BTBD9: variants seen among roughly 807,000 people sequenced by gnomAD.
BTBD9 encodes BTB/POZ domain-containing protein 9.
In BTBD9, 49 loss-of-function variants were observed where a neutral mutation model predicts 64.3. That is an observed-to-expected ratio of 0.76 (90% CI 0.61 to 0.97). The LOEUF is 0.97. Among genes scored for constraint, BTBD9 ranks in the 50% least tolerant of loss-of-function variants. BTBD9 has a pLI of 0.00. For missense variants in BTBD9, 598 were observed against 762.1 expected (o/e 0.78, Z 2.53); for synonymous variants, 260 against 274.7 (o/e 0.95, Z 0.53).
chr6:38,313,632 A>C (rs1762925902), intron 7 of BTBD9, among the ~76,000 whole-genome samples: 1 of 152,128 alleles, frequency 6.6e-6, no homozygotes, highest in Non-Finnish European at 1.5e-5. Flanking sequence ...CAATTGAAAT[A>C]ATTATATGGT....
At chr6:38,283,790 C>T (rs1029592354) in intron 8 of BTBD9, among the ~76,000 whole-genome samples, 2 of 152,196 alleles carry the variant, frequency 1.3e-5, no homozygotes, top group East Asian at 1.9e-4. Flanking sequence ...AATACTCTCC[C>T]TCTGGTGTTG....
intron 9 of BTBD9, among the ~76,000 whole-genome samples, chr6:38,250,425 T>C (rs1463883494): frequency 1.3e-5 from 2 of 152,230 alleles, no homozygotes; most frequent in Non-Finnish European, 2.9e-5. Flanking sequence ...AAATCTAATC[T>C]GTTTCATCAG....
intron 6 of BTBD9, among the ~76,000 whole-genome samples, chr6:38,493,037 T>A (rs984951828): frequency 9.2e-5 from 14 of 152,066 alleles, no homozygotes; most frequent in African/African-American, 1.9e-4. Flanking sequence ...AAGAAAAAAA[T>A]TTTTCAACTT....
At chr6:38,498,627 A>G (rs1772061182) in intron 6 of BTBD9, among the ~76,000 whole-genome samples, 1 of 152,170 alleles carries the variant, frequency 6.6e-6, no homozygotes, top group African/African-American at 2.4e-5. Flanking sequence ...GCTGGGCAAC[A>G]TAAGGGGACA....
intron 4 of BTBD9, chr6:38,588,341 C>T: frequency 3.2e-6 from 3 of 926,288 alleles, no homozygotes; most frequent in Admixed American, 3.4e-5. Context: ...ACTTTTCAGC[C>T]TACTAATTAT....
intron 6 of BTBD9, among the ~76,000 whole-genome samples, chr6:38,505,964 C>CAAAAAAAAAAAAAAAAAAAAAAAAAAAA (rs59014161): frequency 7.3e-5 from 6 of 82,626 alleles, no homozygotes; most frequent in African/African-American, 2.5e-4. Context: ...TCCGTCTCAA[C>CAAAAAAAAAAAAAAAAAAAAAAAAAAAA]AAAAAAAAAA....
At chr6:38,261,805 T>TG (rs1764804065) in intron 8 of BTBD9, among the ~76,000 whole-genome samples, 1 of 152,158 alleles carries the variant, frequency 6.6e-6, no homozygotes, top group Admixed American at 6.6e-5. Context: ...GGACTGGAGA[T>TG]GTGGGGTCAT....
intron 7 of BTBD9, among the ~76,000 whole-genome samples, chr6:38,323,786 T>C (rs1763320854): frequency 1.3e-5 from 2 of 152,166 alleles, no homozygotes; most frequent in South Asian, 2.1e-4. Context: ...CACCAAATCA[T>C]AAAATTAATA....
At chr6:38,370,173 A>C (rs1301643008) in intron 6 of BTBD9, among the ~76,000 whole-genome samples, 3 of 152,222 alleles carry the variant, frequency 2.0e-5, no homozygotes, top group Non-Finnish European at 4.4e-5. Flanking sequence ...GCATTAGTAA[A>C]GAAGTGATAT....
At position 38,184,580 on chromosome 6, in the gene BTBD9, A is replaced by C. The variant is rs1367865303; in HGVS notation, c.1641+7939T>G. ...CTGTGCTCTGCCACAGAGCACAGAGAGCGCCCACTGGGGGTTCTGGCCCTG... is the reference window on the plus strand; with the variant it reads ...CTGTGCTCTGCCACAGAGCACAGAGCGCGCCCACTGGGGGTTCTGGCCCTG... On this transcript the variant is annotated intron_variant, in intron 10 of 10. Transcript: ENST00000481247. The surrounding 1 kb of genome is among the most constrained non-coding windows in gnomAD (Gnocchi z 4.4). Among the ~76,000 whole-genome samples, 2 of 151,704 alleles carry C rather than the reference A, an allele frequency of 1.3e-5. No individual in the cohort carries two copies. Among genetic ancestry groups the C allele is most frequent in the African/African-American group, 4.8e-5 (2 of 41,256 alleles).
At chr6:38,606,401 A>G (rs574929712) in intron 1 of BTBD9, among the ~76,000 whole-genome samples, 2 of 152,308 alleles carry the variant, frequency 1.3e-5, no homozygotes, top group South Asian at 4.1e-4. Flanking sequence ...AAGATAATAT[A>G]ACATTGTCAA....
chr6:38,588,266 C>T, intron 4 of BTBD9: 2 of 1,148,224 alleles, frequency 1.7e-6, no homozygotes, highest in Non-Finnish European at 2.7e-6. Context: ...GCCTCAACAA[C>T]TGCCTGCTCA....
chr6:38,184,076 C>T lies in BTBD9; in HGVS notation c.1641+8443G>A, dbSNP rs546530462. Among the ~76,000 whole-genome samples, 47 of 152,230 alleles carry T rather than the reference C, an allele frequency of 3.1e-4. No individual in the cohort carries two copies. The highest frequency in any genetic ancestry group is 5.0e-4 in the Non-Finnish European group (34 of 68,042). Reference sequence around the variant, plus strand: ...GGTGTCTGGCTTCTGTCCTTCAACACGCCGTTATGTTCATCCACCCACAGT... The same window carrying T: ...GGTGTCTGGCTTCTGTCCTTCAACATGCCGTTATGTTCATCCACCCACAGT... On this transcript the variant is annotated intron_variant, in intron 10 of 10. Coordinates refer to ENST00000481247, the MANE Select transcript of BTBD9 (RefSeq NM_001099272.2). The surrounding 1 kb of genome is among the most constrained non-coding windows in gnomAD (Gnocchi z 4.4).
intron 6 of BTBD9, among the ~76,000 whole-genome samples, chr6:38,390,023 T>G (rs1459942664): frequency 6.6e-6 from 1 of 152,200 alleles, no homozygotes; most frequent in Non-Finnish European, 1.5e-5. Flanking sequence ...TATCACTGAT[T>G]GTCATCATAT....
intron 1 of BTBD9, among the ~76,000 whole-genome samples, chr6:38,622,654 C>T (rs559650761): frequency 5.3e-5 from 8 of 152,166 alleles, no homozygotes; most frequent in Admixed American, 2.0e-4. Context: ...CCTGTAACCA[C>T]GAACACCGTG....
At chr6:38,403,045 A>T in intron 6 of BTBD9, 1 of 262,076 alleles carries the variant, frequency 3.8e-6, no homozygotes, top group Non-Finnish European at 7.5e-6. Context: ...AGCCTGGGTG[A>T]TAGAGTGAAA....
rs150537273 is a variant in BTBD9, at chr6:38,206,845, CA to C, written c.1563-14249del. Among the ~76,000 whole-genome samples the C allele has an allele frequency of 4.9e-3, 710 of 144,072 alleles. 42 individuals carry two copies. The East Asian group carries it at 0.12, about 25-fold the overall frequency. The allele number at this position is 144,072 out of a possible 152,430, so 94.5% of individuals were successfully genotyped here. A position where few individuals can be genotyped will look rare whatever the true frequency, so the allele number is the denominator to read the frequency against. The stretch of plus-strand genomic sequence containing the variant: ...TAGTTTAGAATATGAAGATACAGAC[CA>C]AAAAAAAAAGAAGTCTAAAAGAGAT... On this transcript the variant is annotated intron_variant, in intron 9 of 10. Transcript: ENST00000481247.
intron 10 of BTBD9, among the ~76,000 whole-genome samples, chr6:38,178,061 C>T (rs1264987890): frequency 1.3e-5 from 2 of 152,188 alleles, no homozygotes; most frequent in African/African-American, 4.8e-5. Flanking sequence ...CTCAGAGCTG[C>T]GTCCCAGTCT....
rs1302391177 is a variant in BTBD9, at chr6:38,256,458, T to C, written c.1513A>G (p.Asn505Asp). The change falls in exon 9 of 11, where the codon AAC becomes GAC. Residue 505 changes from asparagine (N) to aspartate (D), a missense_variant. Transcript: ENST00000481247. ...SYSYYVEVST[N>D]QQQWTMVADR... ...GCAACCATGGTCCACTGTTGCTGGT[T>C]GGTAGAAACCTCAACGTAGTAGCTA... 6.2e-7 allele frequency: 1 copy of C among 1,614,016 alleles called. No individual in the cohort carries two copies. The highest frequency in any genetic ancestry group is 1.3e-5 in the African/African-American group (1 of 74,944).
Sources: gnomAD v4.1 joint callset for allele counts (sites outside exome capture counted in the v4.1 genomes callset) on GRCh38, gnomAD v4.1.1 for gene constraint, Gnocchi (gnomAD v3.1) non-coding constraint, MANE v1.5 for transcripts, NCBI Gene and HGNC (gene_info 2026-07-23, HGNC 2026-07-21) for gene names.